The following SLC6A3 variants were observed in gnomAD, a reference collection of about 807,000 sequenced individuals.
The protein encoded by SLC6A3 is solute carrier family 6 member 3.
In SLC6A3, 19 loss-of-function variants were observed where a neutral mutation model predicts 70.4. That is an observed-to-expected ratio of 0.27 (90% CI 0.19 to 0.40). The LOEUF is 0.40. SLC6A3 is among the 10% of genes least tolerant of loss of function. The pLI, the probability that SLC6A3 is intolerant of heterozygous loss-of-function variation, is 1.00. For missense variants in SLC6A3, 613 were observed against 838.5 expected (o/e 0.73, Z 3.32); for synonymous variants, 368 against 356.6 (o/e 1.03, Z -0.36).
intron 3 of SLC6A3, among the ~76,000 whole-genome samples, chr5:1,433,822 C>A (rs1756766842): frequency 6.6e-6 from 1 of 152,184 alleles, no homozygotes; most frequent in South Asian, 2.1e-4. Flanking sequence ...CACACCCAAC[C>A]ACAACCATCC....
Position 1,394,290 on chromosome 5 carries a change from A to G in SLC6A3, c.*445T>C. ...CAAGCAGGACACTTGGCTTTTTAATATGGGCAAAGTAAATGGTCTAGGAAG... is the reference window on the plus strand; with the variant it reads ...CAAGCAGGACACTTGGCTTTTTAATGTGGGCAAAGTAAATGGTCTAGGAAG... On this transcript the variant is annotated 3_prime_UTR_variant, in exon 15 of 15. Coordinates refer to ENST00000270349, the MANE Select transcript of SLC6A3 (RefSeq NM_001044.5). The surrounding 1 kb of genome is among the most constrained non-coding windows in gnomAD (Gnocchi z 4.7). 4.3e-6 allele frequency: 1 copy of G among 231,858 alleles called. No individual in the cohort carries two copies. Among genetic ancestry groups the G allele is most frequent in the Non-Finnish European group, 8.5e-6 (1 of 117,172 alleles). The allele number at this position is 231,858 out of a possible 1,614,324, so 14.4% of individuals were successfully genotyped here. A position where few individuals can be genotyped will look rare whatever the true frequency, so the allele number is the denominator to read the frequency against.
intron 4 of SLC6A3, among the ~76,000 whole-genome samples, chr5:1,429,952 A>C (rs1048372549): frequency 1.8e-4 from 27 of 152,168 alleles, no homozygotes; most frequent in African/African-American, 6.5e-4. Flanking sequence ...ACTTGGACAA[A>C]TGGTGTGACT....
chr5:1,441,946 G>T (rs1208799174), intron 2 of SLC6A3, among the ~76,000 whole-genome samples: 1 of 152,136 alleles, frequency 6.6e-6, no homozygotes, highest in African/African-American at 2.4e-5. Context: ...GGGGCCCTCA[G>T]AGGCTGCCCC....
At chr5:1,422,789 T>C (rs1456615892) in intron 4 of SLC6A3, among the ~76,000 whole-genome samples, 1 of 90,674 alleles carries the variant, frequency 1.1e-5, no homozygotes, top group Non-Finnish European at 2.1e-5. Flanking sequence ...CCCACAGTGC[T>C]GCCCACGGTG....
chr5:1,444,907 C>T (rs1171400367), intron 1 of SLC6A3, among the ~76,000 whole-genome samples: 1 of 152,248 alleles, frequency 6.6e-6, no homozygotes, highest in Non-Finnish European at 1.5e-5. Context: ...CCCGCGCCCG[C>T]CACCACCCCC....
chr5:1,418,352 T>C (rs1258496982), intron 6 of SLC6A3, among the ~76,000 whole-genome samples: 5 of 152,186 alleles, frequency 3.3e-5, no homozygotes, highest in Non-Finnish European at 7.4e-5. Flanking sequence ...ATTTCTTTCC[T>C]GATTTCTCTT....
At chr5:1,439,654 C>T (rs953051655) in intron 3 of SLC6A3, among the ~76,000 whole-genome samples, 10 of 152,198 alleles carry the variant, frequency 6.6e-5, no homozygotes, top group African/African-American at 1.4e-4. Flanking sequence ...GTGCTGGGCT[C>T]GGCTGTCTTC....
chr5:1,437,329 T>C lies in SLC6A3; in HGVS notation c.418+4030A>G, dbSNP rs757682842. Among the ~76,000 whole-genome samples the C allele has an allele frequency of 2.6e-4, 39 of 150,298 alleles. No individual in the cohort carries two copies. The highest frequency in any genetic ancestry group is 5.3e-4 in the Non-Finnish European group (36 of 67,750). The stretch of plus-strand genomic sequence containing the variant: ...TCTGTGTCAGTCTGGGTGTCTTTAG[T>C]ATGTGCTTGCTGTGTGTGCATGTAC... On this transcript the variant is annotated intron_variant, in intron 3 of 14. Coordinates refer to ENST00000270349, the MANE Select transcript of SLC6A3 (RefSeq NM_001044.5). This position sits in a 1 kb window ranked among gnomAD's most constrained non-coding sequence, Gnocchi z 4.8.
intron 8 of SLC6A3, among the ~76,000 whole-genome samples, chr5:1,412,317 G>C (rs1227554050): frequency 6.6e-6 from 1 of 152,252 alleles, no homozygotes; most frequent in Non-Finnish European, 1.5e-5. Flanking sequence ...GCTCCTGTCA[G>C]CTGGGGCCCT....
In SLC6A3 at chr5:1,420,683, G is replaced by A. The variant is rs1428135204; in HGVS notation, c.813C>T (p.Thr271=). 6.2e-7 allele frequency: 1 copy of A among 1,613,354 alleles called. No individual in the cohort carries two copies. The highest frequency in any genetic ancestry group is 8.5e-7 in the Non-Finnish European group (1 of 1,179,920). ...TSGKVVWITA[T]MPYVVLTALL... ...GGGCAGTGAGGACCACGTATGGCAT[G>A]GTGGCTGTGATCCATACCACCTGCA... The change falls in exon 6 of 15, where the codon ACC becomes ACT. Residue 271 remains threonine, a synonymous_variant. Coordinates refer to ENST00000270349, the MANE Select transcript of SLC6A3 (RefSeq NM_001044.5).
rs1388600287 is a variant in SLC6A3, at chr5:1,402,268, A to G, written c.1767+654T>C. Among the ~76,000 whole-genome samples the G allele has an allele frequency of 1.3e-5, 2 of 151,750 alleles. No homozygotes were observed. The highest frequency in any genetic ancestry group is 4.8e-5 in the African/African-American group (2 of 41,268). ...AGTGTCCTTGTCTCTTCCTGGAACC[A>G]CAGAGCCAGGGTGTTAAACAGGGCC... On this transcript the variant is annotated intron_variant, in intron 13 of 14. Coordinates refer to ENST00000270349, the MANE Select transcript of SLC6A3 (RefSeq NM_001044.5). The surrounding 1 kb of genome is among the most constrained non-coding windows in gnomAD (Gnocchi z 8.5).
chr5:1,406,044 C>A lies in SLC6A3; in HGVS notation c.1599+144G>T. On this transcript the variant is annotated intron_variant, in intron 12 of 14. Transcript: ENST00000270349. The surrounding 1 kb of genome is among the most constrained non-coding windows in gnomAD (Gnocchi z 8.8). ...GGAGACTATAGATGAGTTCAGGGATCAGCCTGTCCTTCTGGGCCGAGTCTT... is the reference window on the plus strand; with the variant it reads ...GGAGACTATAGATGAGTTCAGGGATAAGCCTGTCCTTCTGGGCCGAGTCTT... 1 of 709,018 alleles carries A rather than the reference C, an allele frequency of 1.4e-6. No homozygotes were observed. The highest frequency in any genetic ancestry group is 2.6e-6 in the Non-Finnish European group (1 of 385,942). The allele number at this position is 709,018 out of a possible 1,614,324, so 43.9% of individuals were successfully genotyped here.
chr5:1,403,097 C>A lies in SLC6A3; in HGVS notation c.1600-8G>T, dbSNP rs1457917177. 1.9e-6 allele frequency: 3 copies of A among 1,613,018 alleles called. No homozygotes were observed. The highest frequency in any genetic ancestry group is 2.5e-6 in the Non-Finnish European group (3 of 1,179,844). On this transcript the variant is annotated splice_region_variant and splice_polypyrimidine_tract_variant and intron_variant, in intron 12 of 14. Coordinates refer to ENST00000270349, the MANE Select transcript of SLC6A3 (RefSeq NM_001044.5). ...GCTGACCACGACCACGAACTGCAAC[C>A]AGCAGATACGGAGGTCAGGCAGCTC...
rs945581503 is a variant in SLC6A3, at chr5:1,437,564, G to C, written c.418+3795C>G. 1.3e-5 allele frequency among the ~76,000 whole-genome samples: 2 copies of C among 152,252 alleles called. No homozygotes were observed. The highest frequency in any genetic ancestry group is 2.4e-5 in the African/African-American group (1 of 41,482). On this transcript the variant is annotated intron_variant, in intron 3 of 14. Coordinates refer to ENST00000270349, the MANE Select transcript of SLC6A3 (RefSeq NM_001044.5). The surrounding 1 kb of genome is among the most constrained non-coding windows in gnomAD (Gnocchi z 4.8). ...GCACTGCGGGGCTGAAGGCCCCAGA[G>C]GCCCCTCTGGCTGTGGTGCCCATCC... is the stretch of plus-strand genomic sequence containing the variant.
At chr5:1,399,774 G>A (rs953298743) in intron 14 of SLC6A3, among the ~76,000 whole-genome samples, 1 of 152,220 alleles carries the variant, frequency 6.6e-6, no homozygotes, top group Non-Finnish European at 1.5e-5. Context: ...AACCTGACTT[G>A]CAGGTAGGAG....
At position 1,404,283 on chromosome 5, in the gene SLC6A3, C is replaced by T. The variant is rs774280383; in HGVS notation, c.1600-1194G>A. On this transcript the variant is annotated intron_variant, in intron 12 of 14. Transcript: ENST00000270349. The surrounding 1 kb of genome is among the most constrained non-coding windows in gnomAD (Gnocchi z 5.2). ...AGAGCCAGGGTGAGCAGCACTTTGG[C>T]GAGCAAAGCCAGTGGCCTGCAGCAT... Among the ~76,000 whole-genome samples, 7 of 152,178 alleles carry T rather than the reference C, an allele frequency of 4.6e-5. No homozygotes were observed. Among genetic ancestry groups the T allele is most frequent in the Non-Finnish European group, 8.8e-5 (6 of 68,032 alleles).
intron 3 of SLC6A3, among the ~76,000 whole-genome samples, chr5:1,440,335 C>G (rs577964543): frequency 6.6e-6 from 1 of 150,904 alleles, no homozygotes; most frequent in East Asian, 2.0e-4. Flanking sequence ...ATGGATGGAT[C>G]AATAGATAAT....
In SLC6A3 at chr5:1,406,371, T is replaced by C. The variant is rs1755979465; in HGVS notation, c.1499-83A>G. 1.7e-6 allele frequency: 2 copies of C among 1,195,356 alleles called. No homozygotes were observed. Among genetic ancestry groups the C allele is most frequent in the Non-Finnish European group, 2.5e-6 (2 of 800,352 alleles). The allele number at this position is 1,195,356 out of a possible 1,614,324, so 74.0% of individuals were successfully genotyped here. On this transcript the variant is annotated intron_variant, in intron 11 of 14. Transcript: ENST00000270349. The surrounding 1 kb of genome is among the most constrained non-coding windows in gnomAD (Gnocchi z 8.8). ...GACACGTGTGGGGGTCCTCGCTGACTCCCAAGGGCCCCACCTACCGGCCCC... is the reference window on the plus strand; with the variant it reads ...GACACGTGTGGGGGTCCTCGCTGACCCCCAAGGGCCCCACCTACCGGCCCC...
chr5:1,409,410 T>C (rs1207136752), intron 10 of SLC6A3, among the ~76,000 whole-genome samples: 1 of 152,018 alleles, frequency 6.6e-6, no homozygotes, highest in Non-Finnish European at 1.5e-5. Flanking sequence ...TGGCCTGGGC[T>C]CCCCCTCCCA....
Sources: gnomAD v4.1 joint callset for allele counts (sites outside exome capture counted in the v4.1 genomes callset) on GRCh38, gnomAD v4.1.1 for gene constraint, Gnocchi (gnomAD v3.1) non-coding constraint, MANE v1.5 for transcripts, NCBI Gene and HGNC (gene_info 2026-07-23, HGNC 2026-07-21) for gene names.